Variants in SMAD2 observed in about 807,000 individuals in gnomAD.
SMAD2 encodes the protein MAD homolog 2.
Under a neutral mutation model 64.4 loss-of-function variants are expected in SMAD2, and 8 were observed. That is an observed-to-expected ratio of 0.12 (90% CI 0.07 to 0.22). SMAD2 has a LOEUF of 0.22. Among genes scored for constraint, SMAD2 ranks in the 10% least tolerant of loss-of-function variants. The probability of loss-of-function intolerance (pLI) is 1.00; values close to 1 mark genes in which losing one functional copy is unlikely to be tolerated. For synonymous variants in SMAD2, 203 were observed against 195.8 expected, an observed-to-expected ratio of 1.04 and a Z score of -0.31; for missense variants, 289 against 561.2, an observed-to-expected ratio of 0.51 and a Z score of 4.90.
chr18:47,896,665 C>A lies in SMAD2; in HGVS notation c.92G>T (p.Gly31Val). 1 of 1,614,158 alleles carries A rather than the reference C, an allele frequency of 6.2e-7. No individual in the cohort carries two copies. The highest frequency in any genetic ancestry group is 8.5e-7 in the Non-Finnish European group (1 of 1,180,022). ...SAGGSGGAGG[G>V]EQNGQEEKWC... ...CTTTTCTTCCTGCCCATTCTGCTCT[C>A]CTCCGCCTGCTCCTCCAGACCCACC... The change falls in exon 2 of 11, where the codon GGA (glycine) becomes GTA (valine). Residue 31 changes from glycine (G) to valine (V), a missense_variant. Coordinates refer to ENST00000262160, the MANE Select transcript of SMAD2 (RefSeq NM_005901.6).
Position 47,834,245 on chromosome 18 carries a change from A to G in SMAD2, c.*7582T>C, listed in dbSNP as rs1913195175. ...GTCAGCTCCTTCTGGTGTGCCTGGG[A>G]CTTGTTTTGAGTTTAGCAAAAACTT... On this transcript the variant is annotated 3_prime_UTR_variant, in exon 11 of 11. Coordinates refer to ENST00000262160, the MANE Select transcript of SMAD2 (RefSeq NM_005901.6). 1 of 210,752 alleles carries G rather than the reference A, an allele frequency of 4.7e-6. No homozygotes were observed. 13.1% of individuals were successfully genotyped at this position (210,752 alleles called of 1,614,324 possible).
chr18:47,893,399 G>A (rs963945501), intron 2 of SMAD2, among the ~76,000 whole-genome samples: 13 of 152,334 alleles, frequency 8.5e-5, no homozygotes, highest in Non-Finnish European at 1.6e-4. Flanking sequence ...CATTTCAACA[G>A]AAAACATTTG....
chr18:47,828,514 AAG>A lies in SMAD2; in HGVS notation c.*13311_*13312del, dbSNP rs1912862254. On this transcript the variant is annotated 3_prime_UTR_variant, in exon 11 of 11. Coordinates refer to ENST00000262160, the MANE Select transcript of SMAD2 (RefSeq NM_005901.6). ...AAAAGGGGGAAATGTGGGGAAAGGA[AAG>A]AGAGATCAGATTGTTGCTGTGTCTG... is the stretch of plus-strand genomic sequence containing the variant. The A allele has an allele frequency of 1.2e-5, 2 of 171,174 alleles. No individual in the cohort carries two copies. Among genetic ancestry groups the A allele is most frequent in the African/African-American group, 2.4e-5 (1 of 41,790 alleles). 10.6% of individuals were successfully genotyped at this position (171,174 alleles called of 1,614,324 possible).
At chr18:47,849,917 G>C (rs1460001517) in intron 7 of SMAD2, among the ~76,000 whole-genome samples, 2 of 151,614 alleles carry the variant, frequency 1.3e-5, no homozygotes, top group South Asian at 4.2e-4. Flanking sequence ...CTGAGGCAGA[G>C]AATTGCTTGA....
chr18:47,910,262 G>A (rs929927049), intron 1 of SMAD2, among the ~76,000 whole-genome samples: 1 of 151,864 alleles, frequency 6.6e-6, no homozygotes, highest in Non-Finnish European at 1.5e-5. Flanking sequence ...CACATCAGAG[G>A]AATTAACAGA....
intron 1 of SMAD2, among the ~76,000 whole-genome samples, chr18:47,919,469 T>TACACACAC (rs66523523): frequency 1.2e-3 from 157 of 129,964 alleles, no homozygotes; most frequent in African/African-American, 4.4e-3. Context: ...AAAAAAAAAA[T>TACACACAC]ACACACACAC....
In SMAD2 at chr18:47,823,381, G is replaced by A. The variant is rs1241665565; in HGVS notation, c.*18446C>T. The A allele has an allele frequency of 6.6e-6, 1 of 152,130 alleles. No individual in the cohort carries two copies. The highest frequency in any genetic ancestry group is 2.1e-4 in the South Asian group (1 of 4,830). 9.4% of individuals were successfully genotyped at this position (152,130 alleles called of 1,614,324 possible). A position where few individuals can be genotyped will look rare whatever the true frequency, so the allele number is the denominator to read the frequency against. ...ATCAGGGTAACTTTAAGTTTCTGAA[G>A]AAAGCTATATGTACCTGTTATTAGA... On this transcript the variant is annotated 3_prime_UTR_variant, in exon 11 of 11. Coordinates refer to ENST00000262160, the MANE Select transcript of SMAD2 (RefSeq NM_005901.6).
Position 47,845,829 on chromosome 18 carries a change from T to C in SMAD2, c.998-29A>G, listed in dbSNP as rs150380700. ...AAACAAAATACAAATGAGATTAGTT[T>C]TGTAACATTTACTATTTCAGTGTGA... On this transcript the variant is annotated intron_variant, in intron 8 of 10. Transcript: ENST00000262160. 1.3e-4 allele frequency: 210 copies of C among 1,604,160 alleles called. No homozygotes were observed. In the African/African-American group the frequency reaches 2.6e-3, roughly 20 times the overall value.
rs976357312 is a variant in SMAD2 at position 47,837,193 on chromosome 18, G to A, written c.*4634C>T. On this transcript the variant is annotated 3_prime_UTR_variant, in exon 11 of 11. Coordinates refer to ENST00000262160, the MANE Select transcript of SMAD2 (RefSeq NM_005901.6). Reference sequence around the variant, plus strand: ...GCAACCTTCATGATGAAGAAATTAGGACTCTAGGTATGAAAAGCATGTTCC... The same window carrying A: ...GCAACCTTCATGATGAAGAAATTAGAACTCTAGGTATGAAAAGCATGTTCC... 1.0e-5 allele frequency: 2 copies of A among 200,470 alleles called. No individual in the cohort carries two copies. Among genetic ancestry groups the A allele is most frequent in the African/African-American group, 4.6e-5 (2 of 43,462 alleles). The allele number at this position is 200,470 out of a possible 1,614,324, so 12.4% of individuals were successfully genotyped here.
intron 6 of SMAD2, among the ~76,000 whole-genome samples, chr18:47,864,638 T>C (rs2031426853): frequency 6.6e-6 from 1 of 152,158 alleles, no homozygotes; most frequent in Admixed American, 6.5e-5. Context: ...CAAAACTCAC[T>C]ATTAGGTTAA....
chr18:47,910,688 T>G (rs2034091896), intron 1 of SMAD2, among the ~76,000 whole-genome samples: 1 of 152,214 alleles, frequency 6.6e-6, no homozygotes, highest in African/African-American at 2.4e-5. Flanking sequence ...CCACTTCCAC[T>G]TAGTGAATAG....
intron 10 of SMAD2, among the ~76,000 whole-genome samples, chr18:47,843,080 C>T (rs949957533): frequency 1.3e-5 from 2 of 152,174 alleles, no homozygotes; most frequent in Non-Finnish European, 2.9e-5. Context: ...CAGTGCCCCA[C>T]TGTACCCTTT....
chr18:47,905,979 G>C (rs899017367), intron 1 of SMAD2, among the ~76,000 whole-genome samples: 6 of 151,868 alleles, frequency 4.0e-5, no homozygotes, highest in African/African-American at 1.2e-4. Flanking sequence ...AAAAATAGCT[G>C]GGCGTGGTGC....
chr18:47,847,270 C>T (rs1914589418), intron 8 of SMAD2, among the ~76,000 whole-genome samples: 1 of 152,090 alleles, frequency 6.6e-6, no homozygotes, highest in Non-Finnish European at 1.5e-5. Context: ...TGAGAACTTC[C>T]ACTTGGAACC....
At chr18:47,845,549 G>C (rs1914412961) in intron 9 of SMAD2, 65 bp from the exon 10 acceptor site, 1 of 1,579,628 alleles carries the variant, frequency 6.3e-7, no homozygotes, top group Admixed American at 1.7e-5. Flanking sequence ...AATTTTAAAA[G>C]GGTTACAAGT....
intron 6 of SMAD2, among the ~76,000 whole-genome samples, chr18:47,852,417 G>A (rs1380235747): frequency 6.6e-6 from 1 of 152,074 alleles, no homozygotes; most frequent in African/African-American, 2.4e-5. Context: ...CATGGCATTG[G>A]CTTTCAGGCT....
intron 1 of SMAD2, among the ~76,000 whole-genome samples, chr18:47,910,097 GT>G (rs2144512152): frequency 6.6e-6 from 1 of 151,248 alleles, no homozygotes; most frequent in South Asian, 2.1e-4. Context: ...AGAGAAAACA[GT>G]ATCCAGATGT....
intron 6 of SMAD2, among the ~76,000 whole-genome samples, chr18:47,863,736 G>A (rs1002046254): frequency 2.6e-5 from 4 of 152,104 alleles, no homozygotes; most frequent in Non-Finnish European, 4.4e-5. Context: ...TGAATATTAA[G>A]AATAATGCCT....
intron 1 of SMAD2, among the ~76,000 whole-genome samples, chr18:47,918,853 T>C (rs2034438468): frequency 6.6e-6 from 1 of 152,030 alleles, no homozygotes; most frequent in East Asian, 1.9e-4. Flanking sequence ...TGAAAAAAAT[T>C]GGAAGACTGG....
Sources: gnomAD v4.1 joint callset for allele counts (sites outside exome capture counted in the v4.1 genomes callset) on GRCh38, gnomAD v4.1.1 for gene constraint, MANE v1.5 for transcripts, NCBI Gene and HGNC (gene_info 2026-07-23, HGNC 2026-07-21) for gene names.